The following GPC5 variants were observed in gnomAD, a reference collection of about 807,000 sequenced individuals.
GPC5 encodes glypican 5, also known as glypican-5.
GPC5 carries 47 observed loss-of-function variants against 53.9 expected under a neutral mutation model. The ratio of observed to expected loss-of-function variants is 0.87; its 90% CI spans 0.69 to 1.11. GPC5 has a LOEUF of 1.11. GPC5 is among the 50% of genes most tolerant of loss of function. The probability of loss-of-function intolerance (pLI) is 0.00; values close to 1 mark genes in which losing one functional copy is unlikely to be tolerated. For synonymous variants in GPC5, 286 were observed against 263.3 expected, an observed-to-expected ratio of 1.09 and a Z score of -0.84; for missense variants, 748 against 713.1, an observed-to-expected ratio of 1.05 and a Z score of -0.56.
chr13:92,507,171 A>G (rs1392649820), intron 7 of GPC5, among the ~76,000 whole-genome samples: 3 of 152,068 alleles, frequency 2.0e-5, no homozygotes, highest in South Asian at 4.2e-4. Context: ...ATCATTCTCT[A>G]CTCCCCAGAT....
chr13:92,308,327 A>T (rs1316595973), intron 7 of GPC5, among the ~76,000 whole-genome samples: 1 of 152,148 alleles, frequency 6.6e-6, no homozygotes, highest in Non-Finnish European at 1.5e-5. Flanking sequence ...TACTACTCTT[A>T]TTATAATCAA....
intron 6 of GPC5, among the ~76,000 whole-genome samples, chr13:92,124,993 T>G (rs533107221): frequency 1.3e-5 from 2 of 152,230 alleles, no homozygotes; most frequent in Admixed American, 1.3e-4. Context: ...CGTTCCTTCC[T>G]TCGTTAGGTA....
intron 6 of GPC5, among the ~76,000 whole-genome samples, chr13:92,022,362 A>C (rs770083521): frequency 6.6e-6 from 1 of 152,130 alleles, no homozygotes; most frequent in Non-Finnish European, 1.5e-5. Context: ...TTTAGTCTAT[A>C]GGATTAGACT....
intron 2 of GPC5, among the ~76,000 whole-genome samples, chr13:91,502,916 T>C (rs888006563): frequency 7.2e-5 from 11 of 152,244 alleles, no homozygotes; most frequent in Admixed American, 6.5e-5. Flanking sequence ...CATATACTTA[T>C]GCTCTCAGAT....
chr13:92,540,321 G>T (rs1881892990), intron 7 of GPC5, among the ~76,000 whole-genome samples: 1 of 151,934 alleles, frequency 6.6e-6, no homozygotes, highest in African/African-American at 2.4e-5. Context: ...CTAGCTGCAT[G>T]AGATGTGCCT....
chr13:92,351,938 A>G (rs1311572511), intron 7 of GPC5, among the ~76,000 whole-genome samples: 1 of 152,188 alleles, frequency 6.6e-6, no homozygotes, highest in Non-Finnish European at 1.5e-5. Context: ...TTCCGAAGTA[A>G]TTATTTATAA....
chr13:92,303,972 T>A (rs545765562), intron 7 of GPC5, among the ~76,000 whole-genome samples: 1 of 152,288 alleles, frequency 6.6e-6, no homozygotes, highest in Non-Finnish European at 1.5e-5. Flanking sequence ...CTCAACATGC[T>A]AAGGTAGCAT....
chr13:92,539,876 C>T (rs1881875809), intron 7 of GPC5, among the ~76,000 whole-genome samples: 1 of 151,910 alleles, frequency 6.6e-6, no homozygotes, highest in South Asian at 2.1e-4. Context: ...CCCCAGTTTT[C>T]TTAATTCATT....
intron 7 of GPC5, among the ~76,000 whole-genome samples, chr13:92,787,669 A>C: frequency 6.9e-6 from 1 of 144,900 alleles, no homozygotes; most frequent in Non-Finnish European, 1.5e-5. Flanking sequence ...CATAGCTACA[A>C]AAAAAAAAAA....
rs1014459703 is a variant in GPC5 at position 92,795,357 on chromosome 13, T to C, written c.1562-70925T>C. On this transcript the variant is annotated intron_variant, in intron 7 of 7. Coordinates refer to ENST00000377067, the MANE Select transcript of GPC5 (RefSeq NM_004466.6). ...TGTAGAAAGCTGAAACTGGATCCCT[T>C]CCGTACACCTTATACAAAAATTAAT... Among the ~76,000 whole-genome samples the C allele has an allele frequency of 2.6e-5, 4 of 152,110 alleles. No homozygotes were observed. The South Asian group carries it at 8.3e-4, about 32-fold the overall frequency.
rs368988585 is a variant in GPC5 at position 91,983,142 on chromosome 13, G to A, written c.1401+75085G>A. On this transcript the variant is annotated intron_variant, in intron 6 of 7. Transcript: ENST00000377067. ...GGGCGGATCACGAGGTCAGGAGATC[G>A]AGACCATCCTGGCTAACACGGTGAA... Among the ~76,000 whole-genome samples, 18 of 152,130 alleles carry A rather than the reference G, an allele frequency of 1.2e-4. No individual in the cohort carries two copies. The East Asian group carries it at 3.1e-3, about 26-fold the overall frequency.
At chr13:92,425,197 A>C (rs945727606) in intron 7 of GPC5, among the ~76,000 whole-genome samples, 1 of 152,048 alleles carries the variant, frequency 6.6e-6, no homozygotes, top group Non-Finnish European at 1.5e-5. Flanking sequence ...TCTGTAAAAG[A>C]CCTTTATTTA....
rs150498088 is a variant in GPC5, at chr13:91,736,968, A to AT, written c.1154+8305dup. On this transcript the variant is annotated intron_variant, in intron 4 of 7. Transcript: ENST00000377067. ...ACTTCAGATTATTATTATTATTATT[A>AT]TTATTTTTGATGGTAGTCCCAGCTA... is the stretch of plus-strand genomic sequence containing the variant. Among the ~76,000 whole-genome samples, 1,147 of 150,322 alleles carry AT rather than the reference A, an allele frequency of 7.6e-3. 18 individuals carry two copies. Among genetic ancestry groups the AT allele is most frequent in the Middle Eastern group, 0.014 (4 of 292 alleles).
At chr13:92,744,690 C>T (rs570794591) in intron 7 of GPC5, among the ~76,000 whole-genome samples, 54 of 152,062 alleles carry the variant, frequency 3.6e-4, no homozygotes, top group East Asian at 1.9e-3. Context: ...GATGAAATAA[C>T]GCTAATTGAA....
At chr13:92,145,826 G>T (rs2138985282) in intron 7 of GPC5, among the ~76,000 whole-genome samples, 1 of 152,258 alleles carries the variant, frequency 6.6e-6, no homozygotes, top group Admixed American at 6.5e-5. Context: ...GTAGAGGTTG[G>T]TCTGATAGCT....
intron 6 of GPC5, among the ~76,000 whole-genome samples, chr13:92,026,180 G>T (rs9523482): frequency 0.45 from 68,570 of 151,784 alleles, 16,190 homozygotes; most frequent in East Asian, 0.76. Context: ...TAGAGAAGTG[G>T]TACATATTAT....
At chr13:91,921,734 C>G (rs2039716356) in intron 6 of GPC5, among the ~76,000 whole-genome samples, 1 of 150,960 alleles carries the variant, frequency 6.6e-6, no homozygotes, top group African/African-American at 2.4e-5. Flanking sequence ...TCACTTAAGG[C>G]CAAGAGTTTG....
intron 7 of GPC5, among the ~76,000 whole-genome samples, chr13:92,815,271 A>T (rs2138803438): frequency 6.6e-6 from 1 of 152,060 alleles, no homozygotes; most frequent in Non-Finnish European, 1.5e-5. Flanking sequence ...TCAAAGAAAG[A>T]CTCCATGAAG....
intron 6 of GPC5, among the ~76,000 whole-genome samples, chr13:91,945,739 G>A (rs1237191764): frequency 6.6e-6 from 1 of 152,122 alleles, no homozygotes; most frequent in Non-Finnish European, 1.5e-5. Flanking sequence ...TGGAGCCACT[G>A]CTGTTCTGCT....
Sources: allele counts gnomAD v4.1 joint callset (sites outside exome capture counted in the v4.1 genomes callset), GRCh38; gene constraint gnomAD v4.1.1; transcripts MANE v1.5; gene names NCBI Gene and HGNC (gene_info 2026-07-23, HGNC 2026-07-21).